The following TAGLN2 variants were observed in gnomAD, a reference collection of about 807,000 sequenced individuals.
TAGLN2 encodes the protein transgelin-2.
Under a neutral mutation model 24.9 loss-of-function variants are expected in TAGLN2, and 14 were observed. The ratio of observed to expected loss-of-function variants is 0.56; its 90% CI spans 0.37 to 0.88. The LOEUF (loss-of-function observed/expected upper bound fraction) is 0.88. TAGLN2 is among the 40% of genes least tolerant of loss of function. The pLI is 0.00. For missense variants in TAGLN2, 208 were observed against 258.9 expected (o/e 0.80, Z 1.35); for synonymous variants, 77 against 98.2 (o/e 0.78, Z 1.28).
intron 1 of TAGLN2, among the ~76,000 whole-genome samples, chr1:159,923,925 G>A (rs148436959): frequency 7.9e-4 from 120 of 152,312 alleles, no homozygotes; most frequent in Non-Finnish European, 2.1e-4. Context: ...AAGTGGGATC[G>A]TCTCAGCAGT....
At chr1:159,925,065 G>A (rs574451473) in intron 1 of TAGLN2, 4 of 152,380 alleles carry the variant, frequency 2.6e-5, no homozygotes, top group African/African-American at 4.8e-5. Context: ...GGAAAGCCCA[G>A]GAGCACGAGC....
chr1:159,924,543 G>C (rs1172660742), intron 1 of TAGLN2: 3 of 152,420 alleles, frequency 2.0e-5, no homozygotes, highest in East Asian at 3.9e-4. Context: ...CACAGGGCGC[G>C]GGGGGAGGCG....
intron 1 of TAGLN2, chr1:159,923,332 GT>G: frequency 7.4e-7 from 1 of 1,350,910 alleles, no homozygotes; most frequent in Non-Finnish European, 1.0e-6. Context: ...TACTGCAGCT[GT>G]GAGAACAACC....
intron 1 of TAGLN2, 124 bp from the exon 2 acceptor site, chr1:159,920,661 C>G: frequency 6.9e-7 from 1 of 1,458,648 alleles, no homozygotes; most frequent in Non-Finnish European, 9.1e-7. Context: ...GGATGAGGAC[C>G]AGAACTGTTA....
chr1:159,923,494 G>A, intron 1 of TAGLN2: 2 of 1,548,196 alleles, frequency 1.3e-6, no homozygotes, highest in East Asian at 2.5e-5. Flanking sequence ...GAGGACTTCA[G>A]GGTTCTTGGC....
intron 1 of TAGLN2, chr1:159,924,448 C>T (rs1049182847): frequency 1.3e-5 from 2 of 152,432 alleles, no homozygotes; most frequent in African/African-American, 4.8e-5. Flanking sequence ...ACTCCATCCC[C>T]ACTCTCACCC....
In TAGLN2 at chr1:159,919,683, G is replaced by T; in HGVS notation, c.333C>A (p.Phe111Leu). 6.2e-7 allele frequency: 1 copy of T among 1,613,152 alleles called. No homozygotes were observed. The highest frequency in any genetic ancestry group is 8.5e-7 in the Non-Finnish European group (1 of 1,179,880). The stretch of plus-strand genomic sequence containing the variant: ...CACCTTCCCAGAGGTCCACAGTTTG[G>T]AAGATGTCAGTGGTGTTAATGCCAT... ...ERYGINTTDI[F>L]QTVDLWEGKN... The change falls in exon 3 of 5, where the codon TTC (phenylalanine) becomes TTA (leucine). Residue 111 changes from phenylalanine (F) to leucine (L), a missense_variant. Coordinates refer to ENST00000368097, the MANE Select transcript of TAGLN2 (RefSeq NM_003564.3).
At chr1:159,920,822 C>T (rs1173761815) in intron 1 of TAGLN2, among the ~76,000 whole-genome samples, 1 of 152,108 alleles carries the variant, frequency 6.6e-6, no homozygotes, top group Non-Finnish European at 1.5e-5. Flanking sequence ...TAGGTTGGTG[C>T]AAACCACTGG....
At position 159,919,306 on chromosome 1, in the gene TAGLN2, C is replaced by T. The variant is rs1650443787; in HGVS notation, c.426G>A (p.Gly142=). ...LGGLAVARDD[G]LFSGDPNWFP... is the part of the protein sequence containing the mutation. ...ACCAGTTGGGATCCCCAGAGAAGAGCCCATCATCTCGGGCTACTGCCAGCC... is the reference window on the plus strand; with the variant it reads ...ACCAGTTGGGATCCCCAGAGAAGAGTCCATCATCTCGGGCTACTGCCAGCC... Residue 142 remains glycine (G), a synonymous_variant, in exon 4 of 5, where the codon GGG becomes GGA. Transcript: ENST00000368097. 1.2e-6 allele frequency: 2 copies of T among 1,614,090 alleles called. No homozygotes were observed. The highest frequency in any genetic ancestry group is 1.7e-6 in the Non-Finnish European group (2 of 1,180,038).
chr1:159,922,661 G>A lies in TAGLN2; in HGVS notation c.-28-2124C>T, dbSNP rs61823219. Among the ~76,000 whole-genome samples the A allele has an allele frequency of 6.7e-3, 1,019 of 152,328 alleles. 3 individuals carry two copies. The highest frequency in any genetic ancestry group is 0.012 in the Admixed American group (187 of 15,302). ...AGACCTCTCTCCTGGGAGTGGCTGT[G>A]CTCAGGGCTGTTTCCAGGGACCAAG... On this transcript the variant is annotated intron_variant, in intron 1 of 4. Coordinates refer to ENST00000368097, the MANE Select transcript of TAGLN2 (RefSeq NM_003564.3).
intron 1 of TAGLN2, among the ~76,000 whole-genome samples, chr1:159,921,203 C>G (rs1650521004): frequency 6.6e-6 from 1 of 152,166 alleles, no homozygotes; most frequent in African/African-American, 2.4e-5. Flanking sequence ...TGTCCTAATT[C>G]CCAGAACCTG....
chr1:159,920,298 G>C, intron 2 of TAGLN2, 32 bp downstream of exon 2: 2 of 1,614,174 alleles, frequency 1.2e-6, no homozygotes, highest in Non-Finnish European at 1.7e-6. Context: ...TGCTCTCCCT[G>C]CACTTCCAAG....
intron 4 of TAGLN2, 105 bp downstream of exon 4, chr1:159,919,169 C>A: frequency 7.5e-7 from 1 of 1,329,062 alleles, no homozygotes. Flanking sequence ...TCTGAAAGTG[C>A]TTTGTAAAGG....
In TAGLN2 at chr1:159,918,639, G is replaced by A; in HGVS notation, c.*161C>T. On this transcript the variant is annotated 3_prime_UTR_variant, in exon 5 of 5. Coordinates refer to ENST00000368097, the MANE Select transcript of TAGLN2 (RefSeq NM_003564.3). ...TATTAGTAAGCATGGGGGAGAGGAT[G>A]CCAGCAGGCACCTCAGAGGTGACAG... The A allele has an allele frequency of 1.0e-6, 1 of 954,868 alleles. No homozygotes were observed. Among genetic ancestry groups the A allele is most frequent in the Non-Finnish European group, 1.6e-6 (1 of 641,772 alleles). The allele number at this position is 954,868 out of a possible 1,614,324, so 59.1% of individuals were successfully genotyped here.
At position 159,919,023 on chromosome 1, in the gene TAGLN2, C is replaced by T. The variant is rs1650435647; in HGVS notation, c.459-82G>A. The stretch of plus-strand genomic sequence containing the variant: ...TTCCTTGGACAGAGCACAGGCTTTG[C>T]TGTTGGCTCAAGGGCTGGTGCCAGC... On this transcript the variant is annotated intron_variant, in intron 4 of 4. Transcript: ENST00000368097. 4 of 1,578,210 alleles carry T rather than the reference C, an allele frequency of 2.5e-6. No homozygotes were observed. The Admixed American group carries it at 5.2e-5, about 21-fold the overall frequency.
At chr1:159,924,020 A>AC (rs1650621946) in intron 1 of TAGLN2, among the ~76,000 whole-genome samples, 1 of 152,092 alleles carries the variant, frequency 6.6e-6, no homozygotes, top group Non-Finnish European at 1.5e-5. Flanking sequence ...ATAGGAAATG[A>AC]CCCGTGTTGG....
intron 1 of TAGLN2, chr1:159,923,688 G>A: frequency 4.2e-6 from 2 of 475,582 alleles, no homozygotes; most frequent in Non-Finnish European, 7.5e-6. Flanking sequence ...ACAATTAAGG[G>A]AACCACCGTA....
chr1:159,921,883 C>A (rs771792582), intron 1 of TAGLN2, among the ~76,000 whole-genome samples: 4 of 152,240 alleles, frequency 2.6e-5, no homozygotes, highest in Non-Finnish European at 4.4e-5. Flanking sequence ...AGCCAAGAAC[C>A]AAGAATGGGC....
intron 2 of TAGLN2, 48 bp downstream of exon 2, chr1:159,920,282 C>T: frequency 3.1e-6 from 5 of 1,613,970 alleles, no homozygotes; most frequent in Non-Finnish European, 4.2e-6. Flanking sequence ...CCACTGGACC[C>T]AGTCCTGCTC....
Sources: allele counts gnomAD v4.1 joint callset (sites outside exome capture counted in the v4.1 genomes callset), GRCh38; gene constraint gnomAD v4.1.1; transcripts MANE v1.5; gene names NCBI Gene and HGNC (gene_info 2026-07-23, HGNC 2026-07-21).